ZFP37: variants seen among roughly 807,000 people sequenced by gnomAD.
ZFP37 encodes the protein ZFP37 zinc finger protein, also known as zinc finger protein 37 homolog.
ZFP37 carries 38 observed loss-of-function variants against 52.1 expected under a neutral mutation model. That is an observed-to-expected ratio of 0.73 (90% CI 0.56 to 0.96). The LOEUF (loss-of-function observed/expected upper bound fraction) is 0.96. ZFP37 is among the 40% of genes least tolerant of loss of function. ZFP37 has a pLI of 0.00. For missense variants in ZFP37, 695 were observed against 741.4 expected, an observed-to-expected ratio of 0.94 and a Z score of 0.73; for synonymous variants, 253 against 259.5, an observed-to-expected ratio of 0.98 and a Z score of 0.24.
At chr9:113,044,843 C>T (rs56681029) in intron 3 of ZFP37, among the ~76,000 whole-genome samples, 10,073 of 152,066 alleles carry the variant, frequency 0.066, 803 homozygotes, top group East Asian at 0.4. Context: ...ATTTTCTCTA[C>T]GTAAACAGAA....
intron 3 of ZFP37, 68 bp downstream of exon 3, chr9:113,049,294 G>A: frequency 6.5e-7 from 1 of 1,536,544 alleles, no homozygotes; most frequent in Non-Finnish European, 8.8e-7. Context: ...AAGAAAGAAA[G>A]GTCTAGGATC....
At chr9:113,054,222 A>G (rs1829104604) in intron 1 of ZFP37, among the ~76,000 whole-genome samples, 1 of 152,214 alleles carries the variant, frequency 6.6e-6, no homozygotes, top group South Asian at 2.1e-4. Flanking sequence ...ACAATTGATT[A>G]CTTCTATTGT....
At chr9:113,050,145 G>A in intron 1 of ZFP37, 1 of 321,892 alleles carries the variant, frequency 3.1e-6, no homozygotes, top group Non-Finnish European at 5.6e-6. Flanking sequence ...AGCACTTTGG[G>A]AGGCTAAAGC....
At chr9:113,050,394 G>C (rs943585913) in intron 1 of ZFP37, among the ~76,000 whole-genome samples, 1 of 145,228 alleles carries the variant, frequency 6.9e-6, no homozygotes, top group Admixed American at 7.3e-5. Context: ...TCGACAAACA[G>C]AAATGTCCCT....
intron 3 of ZFP37, among the ~76,000 whole-genome samples, chr9:113,045,877 G>C (rs1415044419): frequency 6.6e-6 from 1 of 152,130 alleles, no homozygotes; most frequent in Admixed American, 6.5e-5. Context: ...AGCAGAAAAA[G>C]CTTCAGAGTG....
intron 3 of ZFP37, among the ~76,000 whole-genome samples, chr9:113,045,290 C>T (rs181417974): frequency 8.7e-4 from 132 of 152,220 alleles, no homozygotes; most frequent in African/African-American, 2.9e-3. Flanking sequence ...ACTGAAATGA[C>T]CCCTAAAATG....
intron 3 of ZFP37, among the ~76,000 whole-genome samples, chr9:113,047,661 A>G (rs1207089738): frequency 6.6e-6 from 1 of 152,198 alleles, no homozygotes; most frequent in Non-Finnish European, 1.5e-5. Flanking sequence ...ATTAAGTATG[A>G]GATAATATGA....
rs989232882 is a variant in ZFP37 at position 113,043,512 on chromosome 9, C to G, written c.1106G>C (p.Arg369Thr). The G allele has an allele frequency of 2.5e-6, 4 of 1,613,950 alleles. No homozygotes were observed. In the African/African-American group the frequency reaches 5.3e-5, roughly 22 times the overall value. ...GHKHALTDHL[R>T]IHTGEKPYEC... ...ATAGGGCTTTTCTCCAGTATGAATTCTTAGATGGTCAGTGAGTGCATGTTT... is the reference window on the plus strand; with the variant it reads ...ATAGGGCTTTTCTCCAGTATGAATTGTTAGATGGTCAGTGAGTGCATGTTT... The change falls in exon 4 of 4, where the codon AGA (arginine) becomes ACA (threonine). Residue 369 changes from arginine to threonine, a missense_variant. Physicochemically the swap from Arg to Thr is moderately conservative, Grantham distance 71. This residue lies in a region of ZFP37 where 326 missense variants were observed against 400.5 expected (regional missense o/e 0.81). Coordinates refer to ENST00000374227, the MANE Select transcript of ZFP37 (RefSeq NM_003408.3).
intron 1 of ZFP37, among the ~76,000 whole-genome samples, chr9:113,053,650 T>TTGCTTTA (rs1829094888): frequency 1.3e-5 from 2 of 152,228 alleles, no homozygotes; most frequent in Non-Finnish European, 2.9e-5. Context: ...GCTGATGAAT[T>TTGCTTTA]TGCTTTATGC....
At chr9:113,046,317 T>C (rs563840230) in intron 3 of ZFP37, among the ~76,000 whole-genome samples, 76 of 151,658 alleles carry the variant, frequency 5.0e-4, no homozygotes, top group Middle Eastern at 3.5e-3. Context: ...GAAGTGCAGT[T>C]GCTGGCTGCT....
At position 113,043,919 on chromosome 9, in the gene ZFP37, TA is replaced by T; in HGVS notation, c.698del (p.Leu233TyrfsTer58). 6.2e-7 allele frequency: 1 copy of T among 1,614,088 alleles called. No individual in the cohort carries two copies. Among genetic ancestry groups the T allele is most frequent in the Non-Finnish European group, 8.5e-7 (1 of 1,179,960 alleles). On this transcript the variant is annotated frameshift_variant, in exon 4 of 4. Coordinates refer to ENST00000374227, the MANE Select transcript of ZFP37 (RefSeq NM_003408.3). LOFTEE classifies it high-confidence loss of function. ...ACTTATCAGATGAGCTATGGCTGGA[TA>T]ATTTCTCATGTTTCTTTCCAGTTTG... ...KKQTGKKHEKLSSHSSSDKCN... is the reference protein window; with the variant it reads ...KKQTGKKHEKXSSHSSSDKCN...
chr9:113,049,843 G>A lies in ZFP37; in HGVS notation c.162C>T (p.Ser54=). 1 of 1,614,074 alleles carries A rather than the reference G, an allele frequency of 6.2e-7. No individual in the cohort carries two copies. Among genetic ancestry groups the A allele is most frequent in the East Asian group, 2.2e-5 (1 of 44,870 alleles). The change falls in exon 2 of 4, where the codon AGC becomes AGT. Residue 54 remains serine (S), a synonymous_variant. Transcript: ENST00000374227. ...AEWKQLDPAQ[S]NLYNDVMLEN... ...CCAGCATCACATCATTATACAGGTT[G>A]CTCTGAGCAGGATCCAGTTGCTTCC... is the stretch of plus-strand genomic sequence containing the variant.
intron 3 of ZFP37, among the ~76,000 whole-genome samples, chr9:113,048,198 G>T (rs947770864): frequency 6.6e-6 from 1 of 152,174 alleles, no homozygotes; most frequent in African/African-American, 2.4e-5. Context: ...TTAGATAGAG[G>T]CATGAATTCT....
Position 113,043,398 on chromosome 9 carries a change from C to T in ZFP37, c.1220G>A (p.Cys407Tyr), listed in dbSNP as rs771652549. 3 of 1,614,144 alleles carry T rather than the reference C, an allele frequency of 1.9e-6. No individual in the cohort carries two copies. Among genetic ancestry groups the T allele is most frequent in the Non-Finnish European group, 2.5e-6 (3 of 1,179,984 alleles). Reference sequence around the variant, plus strand: ...CCTAAAAGACTTCCCACATTCCTTACATTCATATGGCTTCTCACCTGTGTG... The same window carrying T: ...CCTAAAAGACTTCCCACATTCCTTATATTCATATGGCTTCTCACCTGTGTG... ...RSHTGEKPYE[C>Y]KECGKSFRYN... is the part of the protein sequence containing the mutation. Residue 407 changes from cysteine to tyrosine, a missense_variant, in exon 4 of 4, where the codon TGT (cysteine) becomes TAT (tyrosine). Transcript: ENST00000374227.
intron 1 of ZFP37, among the ~76,000 whole-genome samples, chr9:113,050,687 ATGT>A (rs983878135): frequency 1.1e-4 from 17 of 151,938 alleles, no homozygotes; most frequent in African/African-American, 3.9e-4. Context: ...CAGGTGGATC[ATGT>A]GAGGTCAGGA....
At chr9:113,056,418 A>G in intron 1 of ZFP37, 139 bp downstream of exon 1, 1 of 1,412,516 alleles carries the variant, frequency 7.1e-7, no homozygotes, top group Non-Finnish European at 9.6e-7. Context: ...ATAACTCAGA[A>G]CACCGACCTC....
chr9:113,043,354 C>T lies in ZFP37; in HGVS notation c.1264G>A (p.Glu422Lys), dbSNP rs200826735. 136 of 1,613,962 alleles carry T rather than the reference C, an allele frequency of 8.4e-5. No individual in the cohort carries two copies. The highest frequency in any genetic ancestry group is 1.6e-4 in the Middle Eastern group (1 of 6,076). The change falls in exon 4 of 4, where the codon GAA (glutamate) becomes AAA (lysine). Residue 422 changes from glutamate to lysine, a missense_variant. Transcript: ENST00000374227. ...TCACCTGTATGTGTTCTCACATGTT[C>T]GGTAAGAGATGAGTTATACCTAAAA... Reference protein sequence around the residue: ...KSFRYNSSLTEHVRTHTGEIP... With the variant: ...KSFRYNSSLTKHVRTHTGEIP...
rs1303225403 is a variant in ZFP37 at position 113,041,491 on chromosome 9, AAT to A, written c.*1232_*1233del. 2 of 152,174 alleles carry A rather than the reference AAT, an allele frequency of 1.3e-5. No individual in the cohort carries two copies. Among genetic ancestry groups the A allele is most frequent in the Non-Finnish European group, 2.9e-5 (2 of 68,020 alleles). 9.4% of individuals were successfully genotyped at this position (152,174 alleles called of 1,614,324 possible). ...GAGGTGTTTGTGTGTTAGTTCTTTGAATATGAGATAAAACAGGGTGATTATTC... is the reference window on the plus strand; with the variant it reads ...GAGGTGTTTGTGTGTTAGTTCTTTGAATGAGATAAAACAGGGTGATTATTC... On this transcript the variant is annotated 3_prime_UTR_variant, in exon 4 of 4. Transcript: ENST00000374227.
At chr9:113,045,309 G>A (rs903091064) in intron 3 of ZFP37, among the ~76,000 whole-genome samples, 7 of 151,910 alleles carry the variant, frequency 4.6e-5, no homozygotes, top group Non-Finnish European at 8.8e-5. Context: ...TGATATTCTT[G>A]TACTTTAAAA....
Sources: allele counts gnomAD v4.1 joint callset (sites outside exome capture counted in the v4.1 genomes callset), GRCh38; gene constraint gnomAD v4.1.1; regional missense constraint gnomAD v4.1.1; transcripts MANE v1.5; gene names NCBI Gene and HGNC (gene_info 2026-07-23, HGNC 2026-07-21).